Variants in PHF3 observed in about 807,000 individuals in gnomAD.
PHF3 encodes PHD finger protein 3.
A neutral mutation model predicts 178.4 loss-of-function variants in PHF3; 41 were observed. That is an observed-to-expected ratio of 0.23 (90% CI 0.18 to 0.30). PHF3 has a LOEUF of 0.30. PHF3 is among the 10% of genes least tolerant of loss of function. PHF3 has a pLI of 1.00. For missense variants in PHF3, 2,346 were observed against 2,398.1 expected (o/e 0.98, Z 0.45); for synonymous variants, 842 against 800.5 (o/e 1.05, Z -0.88).
chr6:63,705,952 C>T, intron 11 of PHF3, 77 bp from the exon 12 acceptor site: 1 of 1,145,114 alleles, frequency 8.7e-7, no homozygotes, highest in Non-Finnish European at 1.2e-6. Flanking sequence ...ACCTGAATAA[C>T]TTTAGAAAGT....
In PHF3 at chr6:63,720,086, T is replaced by C. The variant is rs1365191318; in HGVS notation, c.*6378T>C. 3 of 154,516 alleles carry C rather than the reference T, an allele frequency of 1.9e-5. No homozygotes were observed. The highest frequency in any genetic ancestry group is 7.2e-5 in the African/African-American group (3 of 41,598). The allele number at this position is 154,516 out of a possible 1,614,324, so 9.6% of individuals were successfully genotyped here. A position where few individuals can be genotyped will look rare whatever the true frequency, so the allele number is the denominator to read the frequency against. On this transcript the variant is annotated 3_prime_UTR_variant, in exon 16 of 16. Transcript: ENST00000262043. ...TTTAAATCTATGTTCAAGTTTTACA[T>C]TGTTGAATCATATAAATAAGTTGTA...
chr6:63,678,835 C>T (rs1471624600), intron 2 of PHF3: 1 of 452,550 alleles, frequency 2.2e-6, no homozygotes, highest in Admixed American at 2.4e-5. Flanking sequence ...TAGGATAGAC[C>T]ACTATCTTGT....
At position 63,721,619 on chromosome 6, in the gene PHF3, T is replaced by G. The variant is rs997067964; in HGVS notation, c.*7911T>G. ...TCATTTTAGTGGAGGCCTTTTCTGT[T>G]ACATTTATCCCATCTAGATCCAGGT... On this transcript the variant is annotated 3_prime_UTR_variant, in exon 16 of 16. Coordinates refer to ENST00000262043, the MANE Select transcript of PHF3 (RefSeq NM_001370348.2). 4 of 1,551,462 alleles carry G rather than the reference T, an allele frequency of 2.6e-6. No homozygotes were observed. The Admixed American group carries it at 7.8e-5, about 30-fold the overall frequency.
intron 2 of PHF3, among the ~76,000 whole-genome samples, chr6:63,654,445 T>A (rs1765146785): frequency 6.6e-6 from 1 of 152,230 alleles, no homozygotes; most frequent in Non-Finnish European, 1.5e-5. Flanking sequence ...AAAATTTCTG[T>A]AAGATTGATG....
In PHF3 at chr6:63,698,684, C is replaced by G; in HGVS notation, c.2982+79C>G. 3 of 969,334 alleles carry G rather than the reference C, an allele frequency of 3.1e-6. No individual in the cohort carries two copies. The South Asian group carries it at 6.9e-5, about 22-fold the overall frequency. The allele number at this position is 969,334 out of a possible 1,614,324, so 60.0% of individuals were successfully genotyped here. On this transcript the variant is annotated intron_variant, in intron 8 of 15. Transcript: ENST00000262043. ...TATCTCAGATTGTAATACAGTAGAT[C>G]TATAATTTATTAATTGGAGTGAGAT...
intron 2 of PHF3, among the ~76,000 whole-genome samples, chr6:63,656,297 A>G (rs1002567890): frequency 2.6e-5 from 4 of 152,160 alleles, no homozygotes; most frequent in African/African-American, 9.7e-5. Flanking sequence ...TGTCTTTTTA[A>G]CTTAAAATGT....
chr6:63,665,498 T>G (rs1467147270), intron 2 of PHF3, among the ~76,000 whole-genome samples: 2 of 147,038 alleles, frequency 1.4e-5, no homozygotes, highest in Non-Finnish European at 3.0e-5. Flanking sequence ...TTTTTTTTTT[T>G]TTTTTTGAGA....
chr6:63,709,422 AT>A (rs34108196), intron 14 of PHF3, among the ~76,000 whole-genome samples, 182 bp downstream of exon 14: 14,319 of 146,896 alleles, frequency 0.097, 689 homozygotes, highest in East Asian at 0.17. Context: ...ACAGTACAGC[AT>A]TTTTTTTTTT....
intron 14 of PHF3, 49 bp downstream of exon 14, chr6:63,709,289 G>T (rs1279731453): frequency 8.2e-7 from 1 of 1,226,632 alleles, no homozygotes; most frequent in Admixed American, 1.8e-5. Context: ...TGTTTAGAAA[G>T]TAAACAGTTT....
intron 2 of PHF3, among the ~76,000 whole-genome samples, chr6:63,678,256 AAAC>A (rs1766269918): frequency 6.6e-6 from 1 of 151,942 alleles, no homozygotes; most frequent in Non-Finnish European, 1.5e-5. Flanking sequence ...AAACAACAAA[AAAC>A]AACAGCAACA....
At position 63,684,134 on chromosome 6, in the gene PHF3, G is replaced by A. The variant is rs373284899; in HGVS notation, c.412G>A (p.Val138Ile). The change falls in exon 4 of 16, where the codon GTA (valine) becomes ATA (isoleucine). Residue 138 changes from valine to isoleucine, a missense_variant. Val to Ile is a conservative substitution (Grantham distance 29). This residue lies in a region of PHF3 where 843 missense variants were observed against 795.2 expected (regional missense o/e 1.06). Coordinates refer to ENST00000262043, the MANE Select transcript of PHF3 (RefSeq NM_001370348.2). Reference sequence around the variant, plus strand: ...ATTTTTTCCCCCTGTGATAGAACAAGTAAGAAGTTTGCGACAGAGCACTAT... The same window carrying A: ...ATTTTTTCCCCCTGTGATAGAACAAATAAGAAGTTTGCGACAGAGCACTAT... Reference protein sequence around the residue: ...KSPRLMAQEQVRSLRQSTIAK... With the variant: ...KSPRLMAQEQIRSLRQSTIAK... 3 of 1,595,116 alleles carry A rather than the reference G, an allele frequency of 1.9e-6. No individual in the cohort carries two copies. Among genetic ancestry groups the A allele is most frequent in the African/African-American group, 1.4e-5 (1 of 73,628 alleles).
intron 1 of PHF3, among the ~76,000 whole-genome samples, chr6:63,641,568 G>T (rs1764579508): frequency 6.9e-6 from 1 of 144,314 alleles, no homozygotes; most frequent in South Asian, 2.2e-4. Context: ...GTGTGTGTGT[G>T]TTTTAGGAAA....
At chr6:63,636,621 A>T (rs2149530888) in intron 1 of PHF3, 1 of 152,312 alleles carries the variant, frequency 6.6e-6, no homozygotes, top group East Asian at 1.9e-4. Flanking sequence ...GTTTCGGGAA[A>T]CTGGGACTGG....
Position 63,635,964 on chromosome 6 carries a change from A to G in PHF3, c.-212A>G. 1 of 398,022 alleles carries G rather than the reference A, an allele frequency of 2.5e-6. No homozygotes were observed. The highest frequency in any genetic ancestry group is 3.6e-5 in the East Asian group (1 of 28,032). The allele number at this position is 398,022 out of a possible 1,614,324, so 24.7% of individuals were successfully genotyped here. On this transcript the variant is annotated 5_prime_UTR_variant, in exon 1 of 16. Coordinates refer to ENST00000262043, the MANE Select transcript of PHF3 (RefSeq NM_001370348.2). ...GATTAGGAGGGCGGCGCGGAAGCCAAGAATAGTGTCGTCAGCAGCAGCCAT... is the reference window on the plus strand; with the variant it reads ...GATTAGGAGGGCGGCGCGGAAGCCAGGAATAGTGTCGTCAGCAGCAGCCAT...
At chr6:63,673,181 TAACA>T (rs1765995872) in intron 2 of PHF3, among the ~76,000 whole-genome samples, 1 of 152,146 alleles carries the variant, frequency 6.6e-6, no homozygotes, top group Admixed American at 6.6e-5. Flanking sequence ...TTAACATGGC[TAACA>T]GCAGAAACAG....
intron 9 of PHF3, 172 bp from the exon 10 acceptor site, chr6:63,702,336 T>C: frequency 2.5e-6 from 1 of 396,776 alleles, no homozygotes; most frequent in Non-Finnish European, 4.5e-6. Flanking sequence ...CTTAAAACTG[T>C]CTCTGGCATA....
intron 1 of PHF3, among the ~76,000 whole-genome samples, chr6:63,645,631 G>A (rs895439565): frequency 1.3e-5 from 2 of 151,820 alleles, no homozygotes; most frequent in African/African-American, 2.4e-5. Flanking sequence ...AACTTTTTTC[G>A]GTTGACTTTC....
At chr6:63,683,160 ATTG>A (rs1451712958) in intron 3 of PHF3, among the ~76,000 whole-genome samples, 1 of 151,946 alleles carries the variant, frequency 6.6e-6, no homozygotes, top group Non-Finnish European at 1.5e-5. Flanking sequence ...ATATAATTTT[ATTG>A]TTCAAATTGG....
In PHF3 at chr6:63,712,308, A is replaced by T; in HGVS notation, c.4720A>T (p.Thr1574Ser). Residue 1574 changes from threonine (T) to serine (S), a missense_variant, in exon 16 of 16, where the codon ACA becomes TCA. Physicochemically the swap from Thr to Ser is moderately conservative, Grantham distance 58 (BLOSUM62 1). This residue lies in a region of PHF3 where 839 missense variants were observed against 806.9 expected (regional missense o/e 1.04). Transcript: ENST00000262043. ...AGATGTTTCTACAGAAGCATTTTTA[A>T]CAAATTTATCAATTCAGTCAAAACA... is the stretch of plus-strand genomic sequence containing the variant. ...PPDVSTEAFL[T>S]NLSIQSKQEE... 1 of 1,613,196 alleles carries T rather than the reference A, an allele frequency of 6.2e-7. No individual in the cohort carries two copies. The highest frequency in any genetic ancestry group is 8.5e-7 in the Non-Finnish European group (1 of 1,179,744).
Sources: gnomAD v4.1 joint callset for allele counts (sites outside exome capture counted in the v4.1 genomes callset) on GRCh38, gnomAD v4.1.1 for gene constraint, gnomAD v4.1.1 regional missense constraint, MANE v1.5 for transcripts, NCBI Gene and HGNC (gene_info 2026-07-23, HGNC 2026-07-21) for gene names.